ADCY3: variants seen among roughly 807,000 people sequenced by gnomAD.
ADCY3 encodes the protein adenylate cyclase 3.
ADCY3 carries 70 observed loss-of-function variants against 119.4 expected under a neutral mutation model. That is an observed-to-expected ratio of 0.59 (90% CI 0.48 to 0.72). The LOEUF (loss-of-function observed/expected upper bound fraction) is 0.72, where lower values mean the gene tolerates loss of function less well. ADCY3 is among the 30% of genes least tolerant of loss of function. The pLI is 0.00. For synonymous variants in ADCY3, 672 were observed against 621.4 expected (o/e 1.08, Z -1.21); for missense variants, 1,238 against 1,541.6 (o/e 0.80, Z 3.30).
At chr2:24,822,681 A>C (rs1417875225) in intron 18 of ADCY3, 51 bp from the exon 19 acceptor site, 3 of 1,600,546 alleles carry the variant, frequency 1.9e-6, no homozygotes, top group Admixed American at 3.4e-5. Context: ...GAGAGGAATG[A>C]CCCAACCCAG....
intron 2 of ADCY3, among the ~76,000 whole-genome samples, chr2:24,896,067 T>C (rs1435918393): frequency 6.6e-6 from 1 of 152,212 alleles, no homozygotes; most frequent in East Asian, 1.9e-4. Flanking sequence ...ATTTACATGC[T>C]TGATCAAATG....
intron 2 of ADCY3, among the ~76,000 whole-genome samples, chr2:24,903,826 G>A (rs1007746427): frequency 6.6e-6 from 1 of 152,296 alleles, no homozygotes; most frequent in African/African-American, 2.4e-5. Context: ...GGTGTTGTGC[G>A]TCACTAACCC....
In ADCY3 at chr2:24,838,625, G is replaced by A; in HGVS notation, c.1356-3C>T. ...TGCTCTGGGAGATGTGCACGCGCCTGGATTGCAGAGAGAGAGGCCCTGAGC... is the reference window on the plus strand; with the variant it reads ...TGCTCTGGGAGATGTGCACGCGCCTAGATTGCAGAGAGAGAGGCCCTGAGC... On this transcript the variant is annotated splice_region_variant and splice_polypyrimidine_tract_variant and intron_variant, in intron 7 of 21. Transcript: ENST00000679454. 1 of 1,613,638 alleles carries A rather than the reference G, an allele frequency of 6.2e-7. No homozygotes were observed. Among genetic ancestry groups the A allele is most frequent in the Middle Eastern group, 1.7e-4 (1 of 5,750 alleles).
intron 2 of ADCY3, among the ~76,000 whole-genome samples, chr2:24,913,254 G>T (rs1664020107): frequency 6.6e-6 from 1 of 152,338 alleles, no homozygotes; most frequent in Admixed American, 6.5e-5. Flanking sequence ...TCCCGATTCA[G>T]CCCCCTGCCT....
chr2:24,904,066 C>T (rs577560497), intron 2 of ADCY3, among the ~76,000 whole-genome samples: 4 of 150,798 alleles, frequency 2.7e-5, no homozygotes, highest in South Asian at 2.1e-4. Flanking sequence ...CTCCCAAAGA[C>T]GGAGCATAAA....
At chr2:24,890,672 T>C (rs921227732) in intron 2 of ADCY3, among the ~76,000 whole-genome samples, 11 of 152,214 alleles carry the variant, frequency 7.2e-5, no homozygotes, top group African/African-American at 2.7e-4. Context: ...TGGTCATTTG[T>C]GTCCTCCCTC....
chr2:24,820,235 C>T, intron 21 of ADCY3, 121 bp from the exon 22 acceptor site: 1 of 1,175,328 alleles, frequency 8.5e-7, no homozygotes, highest in Non-Finnish European at 1.1e-6. Flanking sequence ...GTACGGGACA[C>T]TCCCCAAACC....
intron 2 of ADCY3, among the ~76,000 whole-genome samples, chr2:24,916,908 TG>T (rs34927798): frequency 0.32 from 48,617 of 151,984 alleles, 8,901 homozygotes; most frequent in African/African-American, 0.51. Flanking sequence ...AGCCCTGGGC[TG>T]GGGGTCAATG....
At chr2:24,862,394 A>C (rs553986049) in intron 3 of ADCY3, among the ~76,000 whole-genome samples, 1 of 151,992 alleles carries the variant, frequency 6.6e-6, no homozygotes, top group Non-Finnish European at 1.5e-5. Flanking sequence ...AAAATACAAA[A>C]TATTTGCCGG....
At chr2:24,830,889 G>T in intron 12 of ADCY3, 64 bp from the exon 13 acceptor site, 5 of 1,298,202 alleles carry the variant, frequency 3.9e-6, no homozygotes, top group South Asian at 1.2e-5. Context: ...CGACGTGACT[G>T]ACAGCAACTC....
chr2:24,889,546 C>T (rs1677439008), intron 2 of ADCY3, among the ~76,000 whole-genome samples: 1 of 152,174 alleles, frequency 6.6e-6, no homozygotes, highest in Admixed American at 6.5e-5. Flanking sequence ...AAAAATAAAA[C>T]TGTTGGCTGG....
chr2:24,918,860 G>T lies in ADCY3; in HGVS notation c.128C>A (p.Ser43Ter), dbSNP rs773782892. ...GCGAGGCAGGCACAGGCAGGAGCCC[G>T]AGTTCCGGACCGAGATTTCATGGGT... ...GRTHEISVRN[S>*]GSCLCLPRFM... The change falls in exon 2 of 22, where the codon TCG (serine) becomes TAG (stop). Residue 43 changes from serine (S) to a stop codon, truncating the protein, a stop_gained. Coordinates refer to ENST00000679454, the MANE Select transcript of ADCY3 (RefSeq NM_004036.5). LOFTEE classifies it high-confidence loss of function. This position sits in a 1 kb window ranked among gnomAD's most constrained non-coding sequence, Gnocchi z 5.4. 6.2e-7 allele frequency: 1 copy of T among 1,613,138 alleles called. No individual in the cohort carries two copies. Among genetic ancestry groups the T allele is most frequent in the Non-Finnish European group, 8.5e-7 (1 of 1,180,024 alleles).
At chr2:24,825,449 C>A (rs1260598619) in intron 16 of ADCY3, among the ~76,000 whole-genome samples, 2 of 151,516 alleles carry the variant, frequency 1.3e-5, no homozygotes, top group Non-Finnish European at 2.9e-5. Context: ...ATCCTCCTGC[C>A]TCAGCCTCTC....
chr2:24,822,944 C>G (rs1668008096), intron 18 of ADCY3, among the ~76,000 whole-genome samples: 1 of 152,206 alleles, frequency 6.6e-6, no homozygotes, highest in African/African-American at 2.4e-5. Context: ...TTTGAGGAGA[C>G]AGTCCCAGGA....
At chr2:24,886,292 A>G (rs1206459650) in intron 2 of ADCY3, among the ~76,000 whole-genome samples, 1 of 152,146 alleles carries the variant, frequency 6.6e-6, no homozygotes, top group Admixed American at 6.5e-5. Context: ...GCGCCAAAGC[A>G]AACACAACCC....
At chr2:24,825,336 G>T (rs1668436309) in intron 16 of ADCY3, among the ~76,000 whole-genome samples, 3 of 11,794 alleles carry the variant, frequency 2.5e-4, no homozygotes, top group African/African-American at 5.3e-4. Flanking sequence ...GGTTGTGGCG[G>T]GGGGGGGGGG....
chr2:24,840,659 C>A, intron 6 of ADCY3: 1 of 399,656 alleles, frequency 2.5e-6, no homozygotes, highest in Admixed American at 3.0e-5. Flanking sequence ...GATGTCACCC[C>A]GGGTCCCGCA....
At chr2:24,826,274 T>TC in intron 15 of ADCY3, 148 bp from the exon 16 acceptor site, 2 of 664,724 alleles carry the variant, frequency 3.0e-6, no homozygotes, top group East Asian at 2.8e-5. Context: ...CAAGTCGGGC[T>TC]CCCCCGGGCA....
Position 24,919,266 on chromosome 2 carries a change from A to G in ADCY3, c.-197-82T>C. ...CATGACCCGCCCTAACCCTCATAAA[A>G]GGATCTCTGCTGCAAGAGCCTCCCA... On this transcript the variant is annotated intron_variant, in intron 1 of 21. Transcript: ENST00000679454. The surrounding 1 kb of genome is among the most constrained non-coding windows in gnomAD (Gnocchi z 5.5). 1 of 404,532 alleles carries G rather than the reference A, an allele frequency of 2.5e-6. No homozygotes were observed. The highest frequency in any genetic ancestry group is 4.5e-6 in the Non-Finnish European group (1 of 220,742). 25.1% of individuals were successfully genotyped at this position (404,532 alleles called of 1,614,324 possible).
Sources: gnomAD v4.1 joint callset for allele counts (sites outside exome capture counted in the v4.1 genomes callset) on GRCh38, gnomAD v4.1.1 for gene constraint, Gnocchi (gnomAD v3.1) non-coding constraint, MANE v1.5 for transcripts, NCBI Gene and HGNC (gene_info 2026-07-23, HGNC 2026-07-21) for gene names.